The following ALK variants were observed in gnomAD, a reference collection of about 807,000 sequenced individuals.
ALK encodes ALK receptor tyrosine kinase, also known as ALK tyrosine kinase receptor.
Under a neutral mutation model 163.1 loss-of-function variants are expected in ALK, and 74 were observed. The ratio of observed to expected loss-of-function variants is 0.45; its 90% CI spans 0.38 to 0.55. The LOEUF is 0.55. ALK is among the 20% of genes least tolerant of loss of function. The probability of loss-of-function intolerance (pLI) is 0.00; values close to 1 mark genes in which losing one functional copy is unlikely to be tolerated. For synonymous variants in ALK, 960 were observed against 843.2 expected, an observed-to-expected ratio of 1.14 and a Z score of -2.40; for missense variants, 2,063 against 2,105.3, an observed-to-expected ratio of 0.98 and a Z score of 0.39.
intron 9 of ALK, chr2:29,286,640 A>G (rs1260873939): frequency 6.7e-6 from 1 of 148,704 alleles, no homozygotes; most frequent in African/African-American, 2.5e-5. Flanking sequence ...TTATTTATTT[A>G]TTTTTTGTTT....
chr2:29,601,945 C>A (rs1177680928), intron 3 of ALK, among the ~76,000 whole-genome samples: 1 of 151,820 alleles, frequency 6.6e-6, no homozygotes, highest in African/African-American at 2.4e-5. Context: ...TCTGAGGACA[C>A]CTGAAGGTGG....
rs533606415 is a variant in ALK, at chr2:29,902,565, C to G, written c.667+17428G>C. On this transcript the variant is annotated intron_variant, in intron 1 of 28. Transcript: ENST00000389048. ...AAGTCAAACACCCTCTGCTTGCTCTCCAAGGTCCTGGCCCCATCCTGCCCA... is the reference window on the plus strand; with the variant it reads ...AAGTCAAACACCCTCTGCTTGCTCTGCAAGGTCCTGGCCCCATCCTGCCCA... Among the ~76,000 whole-genome samples the G allele has an allele frequency of 5.9e-5, 9 of 152,312 alleles. 1 individual carries two copies. In the South Asian group the frequency reaches 1.9e-3, roughly 32 times the overall value.
chr2:29,388,733 C>A (rs898502365), intron 4 of ALK, among the ~76,000 whole-genome samples: 4 of 152,210 alleles, frequency 2.6e-5, no homozygotes, highest in Non-Finnish European at 5.9e-5. Flanking sequence ...TTGCAAATAT[C>A]TGCATCTCAA....
chr2:29,402,106 C>T (rs530606185), intron 4 of ALK, among the ~76,000 whole-genome samples: 5 of 152,284 alleles, frequency 3.3e-5, no homozygotes, highest in South Asian at 4.1e-4. Context: ...ACTTTGGCAG[C>T]GGGTGTTGAG....
intron 5 of ALK, among the ~76,000 whole-genome samples, chr2:29,375,973 T>C (rs1668743488): frequency 6.6e-6 from 1 of 152,070 alleles, no homozygotes; most frequent in Admixed American, 6.6e-5. Flanking sequence ...AGCATGACCA[T>C]AAACCACAAA....
At chr2:29,837,521 A>C (rs1193735091) in intron 1 of ALK, among the ~76,000 whole-genome samples, 1 of 152,226 alleles carries the variant, frequency 6.6e-6, no homozygotes, top group Admixed American at 6.5e-5. Context: ...TAACTGCAAG[A>C]TACTGTACCC....
intron 4 of ALK, among the ~76,000 whole-genome samples, chr2:29,465,509 C>CTTTT (rs1558336255): frequency 2.0e-5 from 3 of 152,022 alleles, no homozygotes; most frequent in Admixed American, 2.0e-4. Flanking sequence ...GCCTGGCCAA[C>CTTTT]ATGGTGAAAC....
intron 23 of ALK, among the ~76,000 whole-genome samples, chr2:29,219,116 A>G (rs1355489442): frequency 1.3e-5 from 2 of 152,160 alleles, no homozygotes. Flanking sequence ...AGAATTGGGG[A>G]GAGACCTGCA....
At chr2:29,250,969 C>A (rs1180308446) in intron 12 of ALK, 136 bp downstream of exon 12, 3 of 791,448 alleles carry the variant, frequency 3.8e-6, no homozygotes, top group Non-Finnish European at 5.9e-6. Flanking sequence ...AACCTTTATA[C>A]CCCCTATGGG....
intron 3 of ALK, among the ~76,000 whole-genome samples, chr2:29,539,854 C>A (rs72794501): frequency 0.12 from 17,919 of 152,166 alleles, 1,390 homozygotes; most frequent in Non-Finnish European, 0.18. Context: ...TTAGAGCTTA[C>A]AACAACAACT....
chr2:29,487,538 A>C (rs535014540), intron 4 of ALK, among the ~76,000 whole-genome samples: 21 of 152,198 alleles, frequency 1.4e-4, no homozygotes, highest in Non-Finnish European at 2.6e-4. Context: ...GTAGTACCCA[A>C]AGCATCAGAT....
At chr2:29,225,743 T>A (rs1663962970) in intron 18 of ALK, among the ~76,000 whole-genome samples, 178 bp from the exon 19 acceptor site, 1 of 152,188 alleles carries the variant, frequency 6.6e-6, no homozygotes, top group African/African-American at 2.4e-5. Flanking sequence ...TCATCCCGAT[T>A]TGACAGGCTT....
chr2:29,471,908 A>AT (rs1370927068), intron 4 of ALK, among the ~76,000 whole-genome samples: 2 of 152,032 alleles, frequency 1.3e-5, no homozygotes, highest in Admixed American at 1.3e-4. Flanking sequence ...CATCCAGGTA[A>AT]TTTTTTGTGT....
intron 1 of ALK, among the ~76,000 whole-genome samples, chr2:29,719,427 C>T (rs1452805966): frequency 6.6e-6 from 1 of 152,172 alleles, no homozygotes; most frequent in Non-Finnish European, 1.5e-5. Context: ...ACCTGCACAT[C>T]AACTCTGTTT....
chr2:29,718,954 C>T (rs1191747702), intron 1 of ALK, among the ~76,000 whole-genome samples: 1 of 152,176 alleles, frequency 6.6e-6, no homozygotes, highest in Non-Finnish European at 1.5e-5. Flanking sequence ...TTCCACATTA[C>T]CCCCTGTACC....
intron 26 of ALK, among the ~76,000 whole-genome samples, chr2:29,206,803 G>T (rs985546540): frequency 1.5e-4 from 22 of 151,546 alleles, no homozygotes; most frequent in African/African-American, 5.3e-4. Flanking sequence ...GTGTGTGTAT[G>T]TATGTGTACT....
Position 29,495,833 on chromosome 2 carries a change from G to T in ALK, c.1154+36082C>A, listed in dbSNP as rs894643340. ...GGTCCCTGGAAGATGCTGTCAGGAGGTTTCAGTGTAATTAATTATGCTGGC... is the reference window on the plus strand; with the variant it reads ...GGTCCCTGGAAGATGCTGTCAGGAGTTTTCAGTGTAATTAATTATGCTGGC... On this transcript the variant is annotated intron_variant, in intron 4 of 28. Coordinates refer to ENST00000389048, the MANE Select transcript of ALK (RefSeq NM_004304.5). Among the ~76,000 whole-genome samples, 4 of 152,176 alleles carry T rather than the reference G, an allele frequency of 2.6e-5. No homozygotes were observed. In the East Asian group the frequency reaches 7.7e-4, roughly 29 times the overall value.
chr2:29,779,017 G>A (rs900557126), intron 1 of ALK, among the ~76,000 whole-genome samples: 12 of 152,114 alleles, frequency 7.9e-5, no homozygotes, highest in East Asian at 1.9e-4. Flanking sequence ...TTAGCCGGGC[G>A]TGGTGGCGGG....
rs1161998330 is a variant in ALK at position 29,830,913 on chromosome 2, GAAGAAGAAGAA to G, written c.667+89069_667+89079del. Among the ~76,000 whole-genome samples the G allele has an allele frequency of 7.0e-4, 73 of 104,676 alleles. 3 individuals carry two copies. The highest frequency in any genetic ancestry group is 2.4e-3 in the African/African-American group (69 of 28,164). 68.7% of individuals were successfully genotyped at this position (104,676 alleles called of 152,430 possible). Reference sequence around the variant, plus strand: ...AGTGAGACCCTAACTCTAAAGAAATGAAGAAGAAGAAAAGAAGAAGAAGAAGAAGAAAAGAA... The same window carrying G: ...AGTGAGACCCTAACTCTAAAGAAATGAAGAAGAAGAAGAAGAAGAAAAGAA... On this transcript the variant is annotated intron_variant, in intron 1 of 28. Transcript: ENST00000389048.
Sources: gnomAD v4.1 joint callset for allele counts (sites outside exome capture counted in the v4.1 genomes callset) on GRCh38, gnomAD v4.1.1 for gene constraint, MANE v1.5 for transcripts, NCBI Gene and HGNC (gene_info 2026-07-23, HGNC 2026-07-21) for gene names.